MED13L: variants seen among roughly 807,000 people sequenced by gnomAD.
MED13L encodes the protein mediator complex subunit 13L.
In MED13L, 7 loss-of-function variants were observed where a neutral mutation model predicts 220.9. The ratio of observed to expected loss-of-function variants is 0.03; its 90% CI spans 0.02 to 0.06. The LOEUF (loss-of-function observed/expected upper bound fraction) is 0.06, where lower values mean the gene tolerates loss of function less well. Among genes scored for constraint, MED13L ranks in the 10% least tolerant of loss-of-function variants. The pLI is 1.00. For synonymous variants in MED13L, 1,011 were observed against 1,015.2 expected (o/e 1.00, Z 0.08); for missense variants, 1,965 against 2,760.5 (o/e 0.71, Z 6.46).
At chr12:115,977,222 C>T (rs1288736296) in intron 23 of MED13L, among the ~76,000 whole-genome samples, 1 of 152,102 alleles carries the variant, frequency 6.6e-6, no homozygotes, top group East Asian at 1.9e-4. Context: ...CCAGATACAG[C>T]CCAAATCCAT....
chr12:116,260,299 G>A (rs962131955), intron 1 of MED13L, among the ~76,000 whole-genome samples: 12 of 152,106 alleles, frequency 7.9e-5, no homozygotes, highest in African/African-American at 2.7e-4. Context: ...CAGAACAACT[G>A]GAAAGGGTCC....
At chr12:116,156,232 C>T (rs2138114082) in intron 2 of MED13L, among the ~76,000 whole-genome samples, 3 of 151,550 alleles carry the variant, frequency 2.0e-5, no homozygotes. Context: ...TCTTTCCAAC[C>T]ATATGATGAA....
At chr12:116,215,685 T>C (rs201057058) in intron 2 of MED13L, among the ~76,000 whole-genome samples, 1 of 152,190 alleles carries the variant, frequency 6.6e-6, no homozygotes, top group Non-Finnish European at 1.5e-5. Context: ...TTAATTTTAA[T>C]ACCAATAAGT....
chr12:116,002,463 T>C (rs1254323576), intron 14 of MED13L, among the ~76,000 whole-genome samples: 3 of 152,206 alleles, frequency 2.0e-5, no homozygotes, highest in Non-Finnish European at 2.9e-5. Context: ...GTAGAATAAT[T>C]TGGTTTCTTA....
At chr12:116,163,362 ATTTTTTT>A (rs35808540) in intron 2 of MED13L, among the ~76,000 whole-genome samples, 1 of 140,322 alleles carries the variant, frequency 7.1e-6, no homozygotes, top group Non-Finnish European at 1.5e-5. Context: ...TAGGTGAAGA[ATTTTTTT>A]TTTTTTTTTT....
chr12:116,157,985 GC>G (rs944185333), intron 2 of MED13L, among the ~76,000 whole-genome samples: 25 of 152,166 alleles, frequency 1.6e-4, no homozygotes, highest in African/African-American at 5.8e-4. Flanking sequence ...GGTTGCCACA[GC>G]CCGCTGGTAT....
intron 3 of MED13L, among the ~76,000 whole-genome samples, chr12:116,109,047 C>T (rs1462167377): frequency 7.3e-6 from 1 of 136,850 alleles, no homozygotes; most frequent in African/African-American, 2.7e-5. Context: ...CTTTATATGT[C>T]ATAATTAATT....
chr12:116,239,442 T>C (rs1273763064), intron 1 of MED13L, among the ~76,000 whole-genome samples: 4 of 150,910 alleles, frequency 2.7e-5, no homozygotes, highest in African/African-American at 5.0e-5. Context: ...TCTGTACATA[T>C]ACTTTTTAAA....
At chr12:116,250,025 T>TAAAAAAAAAA (rs71095516) in intron 1 of MED13L, among the ~76,000 whole-genome samples, 5 of 40,460 alleles carry the variant, frequency 1.2e-4, no homozygotes, top group Non-Finnish European at 1.3e-4. Flanking sequence ...CAGCATAAAC[T>TAAAAAAAAAA]AAAAAAAAAA....
chr12:116,242,847 T>C (rs1035513907), intron 1 of MED13L, among the ~76,000 whole-genome samples: 2 of 152,238 alleles, frequency 1.3e-5, no homozygotes, highest in African/African-American at 2.4e-5. Context: ...AAAGTATAAA[T>C]TCTTTCCATT....
At chr12:115,981,547 T>C (rs1239688378) in intron 22 of MED13L, among the ~76,000 whole-genome samples, 1 of 152,204 alleles carries the variant, frequency 6.6e-6, no homozygotes, top group Non-Finnish European at 1.5e-5. Context: ...ACTCATTCAC[T>C]GATGAAAGGA....
At chr12:116,135,150 C>T (rs1174080189) in intron 2 of MED13L, among the ~76,000 whole-genome samples, 1 of 152,196 alleles carries the variant, frequency 6.6e-6, no homozygotes, top group Non-Finnish European at 1.5e-5. Flanking sequence ...GCCTAGGCAA[C>T]AGAGCGAGAC....
chr12:116,147,711 CAAG>C (rs1392985686), intron 2 of MED13L, among the ~76,000 whole-genome samples: 3 of 152,026 alleles, frequency 2.0e-5, no homozygotes, highest in African/African-American at 7.2e-5. Context: ...TTCTACCTTA[CAAG>C]AAGAACGGTT....
chr12:115,961,015 C>A lies in MED13L; in HGVS notation c.*251G>T. 1 of 519,190 alleles carries A rather than the reference C, an allele frequency of 1.9e-6. No individual in the cohort carries two copies. The highest frequency in any genetic ancestry group is 3.5e-6 in the Non-Finnish European group (1 of 283,690). The allele number at this position is 519,190 out of a possible 1,614,324, so 32.2% of individuals were successfully genotyped here. ...TCCTGGGGACCAGTGGTTGGGGCTA[C>A]ACACACCACCGCACTGGCTGAAAGT... On this transcript the variant is annotated 3_prime_UTR_variant, in exon 31 of 31. Coordinates refer to ENST00000281928, the MANE Select transcript of MED13L (RefSeq NM_015335.5).
At chr12:116,024,056 A>C (rs1880227451) in intron 4 of MED13L, among the ~76,000 whole-genome samples, 1 of 152,174 alleles carries the variant, frequency 6.6e-6, no homozygotes, top group Admixed American at 6.5e-5. Context: ...GTTTGAGCTG[A>C]CTTATCCCTA....
intron 2 of MED13L, among the ~76,000 whole-genome samples, chr12:116,200,850 A>G (rs1881967831): frequency 6.6e-6 from 1 of 152,214 alleles, no homozygotes; most frequent in African/African-American, 2.4e-5. Context: ...GAATATCATA[A>G]TAATTCCTAT....
intron 20 of MED13L, among the ~76,000 whole-genome samples, 189 bp downstream of exon 20, chr12:115,983,991 T>C (rs1382372105): frequency 1.3e-5 from 2 of 152,228 alleles, no homozygotes; most frequent in Non-Finnish European, 2.9e-5. Flanking sequence ...CAACTTTGAA[T>C]AGTTTTTAAA....
chr12:116,074,152 T>C (rs1394787272), intron 4 of MED13L, among the ~76,000 whole-genome samples: 1 of 152,236 alleles, frequency 6.6e-6, no homozygotes, highest in African/African-American at 2.4e-5. Flanking sequence ...CCCAGCACTT[T>C]GGGACACCAA....
chr12:116,188,968 G>C (rs1881086415), intron 2 of MED13L, among the ~76,000 whole-genome samples: 1 of 152,146 alleles, frequency 6.6e-6, no homozygotes, highest in Non-Finnish European at 1.5e-5. Context: ...TCTGCTGAAG[G>C]AGACCTGGGC....
Sources: gnomAD v4.1 joint callset for allele counts (sites outside exome capture counted in the v4.1 genomes callset) on GRCh38, gnomAD v4.1.1 for gene constraint, MANE v1.5 for transcripts, NCBI Gene and HGNC (gene_info 2026-07-23, HGNC 2026-07-21) for gene names.